PKMYT1: variants seen among roughly 807,000 people sequenced by gnomAD.
The protein encoded by PKMYT1 is membrane-associated tyrosine- and threonine-specific cdc2-inhibitory kinase.
In PKMYT1, 35 loss-of-function variants were observed where a neutral mutation model predicts 49.7. The observed-to-expected ratio is 0.70, with a 90% CI of 0.54 to 0.93. PKMYT1 has a LOEUF of 0.93. Among genes scored for constraint, PKMYT1 ranks in the 40% least tolerant of loss-of-function variants. The pLI is 0.00. For synonymous variants in PKMYT1, 331 were observed against 287.6 expected (o/e 1.15, Z -1.53); for missense variants, 677 against 673.1 (o/e 1.01, Z -0.06).
chr16:2,974,074 G>A lies in PKMYT1; in HGVS notation c.1236C>T (p.Thr412=). The change falls in exon 7 of 9, where the codon ACC becomes ACT. Residue 412 remains threonine (T), a synonymous_variant. Coordinates refer to ENST00000262300, the MANE Select transcript of PKMYT1 (RefSeq NM_004203.5). ...AACTGCAGGGTGGTGAGCCAGGCGGGGTGGCTGGCGGGCCCAGGGGCTGTA... is the reference window on the plus strand; with the variant it reads ...AACTGCAGGGTGGTGAGCCAGGCGGAGTGGCTGGCGGGCCCAGGGGCTGTA... ...SWLQPLGPPA[T]PPGSPPCSLL... 1 of 1,611,078 alleles carries A rather than the reference G, an allele frequency of 6.2e-7. No individual in the cohort carries two copies. Among genetic ancestry groups the A allele is most frequent in the South Asian group, 1.1e-5 (1 of 90,808 alleles).
In PKMYT1 at chr16:2,972,846, C is replaced by A; in HGVS notation, c.*107G>T. 6.5e-7 allele frequency: 1 copy of A among 1,532,322 alleles called. No individual in the cohort carries two copies. The highest frequency in any genetic ancestry group is 8.8e-7 in the Non-Finnish European group (1 of 1,133,958). 94.9% of individuals were successfully genotyped at this position (1,532,322 alleles called of 1,614,324 possible). A position where few individuals can be genotyped will look rare whatever the true frequency, so the allele number is the denominator to read the frequency against. ...AGGTTCAAATACTTTTTATTAGACACGGCCAGGCAGAGAAGACCATGGGAG... is the reference window on the plus strand; with the variant it reads ...AGGTTCAAATACTTTTTATTAGACAAGGCCAGGCAGAGAAGACCATGGGAG... On this transcript the variant is annotated 3_prime_UTR_variant, in exon 9 of 9. Transcript: ENST00000262300.
At position 2,974,599 on chromosome 16, in the gene PKMYT1, C is replaced by G. The variant is rs768797552; in HGVS notation, c.930G>C (p.Glu310Asp). ...AGCCCTGGCGCAGCTGCTGCCAGCC[C>G]TCCCCACCGTGGGGCAGCTCCATGT... ...ACNMELPHGGEGWQQLRQGYL... is the reference protein window; with the variant it reads ...ACNMELPHGGDGWQQLRQGYL... The change falls in exon 5 of 9, where the codon GAG (glutamate) becomes GAC (aspartate). Residue 310 changes from glutamate to aspartate, a missense_variant. Coordinates refer to ENST00000262300, the MANE Select transcript of PKMYT1 (RefSeq NM_004203.5). The G allele has an allele frequency of 6.3e-7, 1 of 1,584,334 alleles. No homozygotes were observed. Among genetic ancestry groups the G allele is most frequent in the South Asian group, 1.2e-5 (1 of 86,858 alleles).
chr16:2,974,518 G>T, intron 5 of PKMYT1, 32 bp downstream of exon 5: 2 of 1,534,698 alleles, frequency 1.3e-6, no homozygotes, highest in Non-Finnish European at 1.8e-6. Flanking sequence ...AGGAGCCCGT[G>T]GCAGCACCCC....
In PKMYT1 at chr16:2,972,863, C is replaced by T. The variant is rs1361644107; in HGVS notation, c.*90G>A. 3 of 1,535,362 alleles carry T rather than the reference C, an allele frequency of 2.0e-6. No individual in the cohort carries two copies. Among genetic ancestry groups the T allele is most frequent in the Non-Finnish European group, 2.6e-6 (3 of 1,134,394 alleles). On this transcript the variant is annotated 3_prime_UTR_variant, in exon 9 of 9. Coordinates refer to ENST00000262300, the MANE Select transcript of PKMYT1 (RefSeq NM_004203.5). ...ATTAGACACGGCCAGGCAGAGAAGA[C>T]CATGGGAGTTCCCGAGGGGCCCCAG... is the stretch of plus-strand genomic sequence containing the variant.
rs781269797 is a variant in PKMYT1 at position 2,979,694 on chromosome 16, G to T, written c.-37C>A. 6.2e-7 allele frequency: 1 copy of T among 1,613,696 alleles called. No individual in the cohort carries two copies. The highest frequency in any genetic ancestry group is 1.3e-5 in the African/African-American group (1 of 75,056). On this transcript the variant is annotated 5_prime_UTR_variant, in exon 2 of 9. Transcript: ENST00000262300. ...CCCAACAGCCTCAGTGGTGGGACGG[G>T]GGAGGCAGGAGCAGGGGCTCCCACG...
At position 2,974,006 on chromosome 16, in the gene PKMYT1, C is replaced by T. The variant is rs1484133714; in HGVS notation, c.1304G>A (p.Ser435Asn). The T allele has an allele frequency of 2.5e-6, 4 of 1,612,648 alleles. No individual in the cohort carries two copies. Among genetic ancestry groups the T allele is most frequent in the African/African-American group, 2.7e-5 (2 of 74,932 alleles). ...SSLSSNWDDD[S>N]LGPSLSPEAV... ...ACCCTGCACTTGAACCCACCCTAGGCTGTCGTCATCCCAGTTGCTGGAGAG... is the reference window on the plus strand; with the variant it reads ...ACCCTGCACTTGAACCCACCCTAGGTTGTCGTCATCCCAGTTGCTGGAGAG... The change falls in exon 7 of 9, where the codon AGC (serine) becomes AAC (asparagine). Residue 435 changes from serine (S) to asparagine (N), a missense_variant. Physicochemically the swap from Ser to Asn is conservative, Grantham distance 46. Transcript: ENST00000262300.
chr16:2,972,836 T>TAGACACGGCCGTGTCA lies in PKMYT1; in HGVS notation c.*116_*117insTGACACGGCCGTGTCT. 6.5e-7 allele frequency: 1 copy of TAGACACGGCCGTGTCA among 1,532,428 alleles called. No homozygotes were observed. The allele number at this position is 1,532,428 out of a possible 1,614,324, so 94.9% of individuals were successfully genotyped here. A position where few individuals can be genotyped will look rare whatever the true frequency, so the allele number is the denominator to read the frequency against. On this transcript the variant is annotated 3_prime_UTR_variant, in exon 9 of 9. Transcript: ENST00000262300. ...GGTGCTCCCAAGGTTCAAATACTTT[T>TAGACACGGCCGTGTCA]TATTAGACACGGCCAGGCAGAGAAG...
Position 2,975,551 on chromosome 16 carries a change from G to C in PKMYT1, c.640C>G (p.Leu214Val). The stretch of plus-strand genomic sequence containing the variant: ...GCCAGGGCAAGCAGCGTGTCCCGCA[G>C]GTAGCCCCAGACCTGGGCCTCAGGC... ...SLPEAQVWGY[L>V]RDTLLALAHL... Residue 214 changes from leucine (L) to valine (V), a missense_variant, in exon 4 of 9, where the codon CTG (leucine) becomes GTG (valine). Transcript: ENST00000262300. 1 of 1,611,998 alleles carries C rather than the reference G, an allele frequency of 6.2e-7. No individual in the cohort carries two copies. The highest frequency in any genetic ancestry group is 8.5e-7 in the Non-Finnish European group (1 of 1,179,862).
intron 2 of PKMYT1, among the ~76,000 whole-genome samples, chr16:2,977,754 G>A (rs960685603): frequency 2.0e-5 from 3 of 152,102 alleles, no homozygotes; most frequent in Non-Finnish European, 4.4e-5. Flanking sequence ...GCCTAGCACT[G>A]GGGGCAGGTG....
chr16:2,978,387 A>G (rs2072255235), intron 2 of PKMYT1, among the ~76,000 whole-genome samples: 1 of 152,198 alleles, frequency 6.6e-6, no homozygotes, highest in Admixed American at 6.5e-5. Context: ...CTAGCTAGGA[A>G]GAGCCTGCCT....
chr16:2,979,196 G>C (rs367697512), intron 2 of PKMYT1, among the ~76,000 whole-genome samples: 100 of 152,104 alleles, frequency 6.6e-4, no homozygotes, highest in African/African-American at 2.4e-3. Flanking sequence ...TTTGCCGGGC[G>C]TGCTGGTGCA....
At position 2,973,204 on chromosome 16, in the gene PKMYT1, G is replaced by C; in HGVS notation, c.1322C>G (p.Ser441Cys). 6.6e-7 allele frequency: 1 copy of C among 1,508,650 alleles called. No individual in the cohort carries two copies. Among genetic ancestry groups the C allele is most frequent in the Non-Finnish European group, 8.9e-7 (1 of 1,125,324 alleles). The allele number at this position is 1,508,650 out of a possible 1,614,324, so 93.5% of individuals were successfully genotyped here. ...WDDDSLGPSLSPEAVLARTVG... is the reference protein window; with the variant it reads ...WDDDSLGPSLCPEAVLARTVG... ...AGTCCGGGCCAGGACAGCCTCAGGG[G>C]AGAGTGAAGGCCTGCAGGAGGGCAG... Residue 441 changes from serine (S) to cysteine (C), a missense_variant, in exon 8 of 9, where the codon TCC becomes TGC. Coordinates refer to ENST00000262300, the MANE Select transcript of PKMYT1 (RefSeq NM_004203.5).
In PKMYT1 at chr16:2,979,648, G is replaced by T; in HGVS notation, c.10C>A (p.Arg4=). MLE[R]PPALAMPMPT... ...CCACCGTCCCTGCCCTACGACTTAC[G>T]TTCTAGCATGACTGGCCTGGCCCAA... The change falls in exon 2 of 9, where the codon CGG becomes AGG. Residue 4 remains arginine, a splice_region_variant and synonymous_variant. Transcript: ENST00000262300. 1 of 1,612,880 alleles carries T rather than the reference G, an allele frequency of 6.2e-7. No individual in the cohort carries two copies. The highest frequency in any genetic ancestry group is 1.1e-5 in the South Asian group (1 of 91,042).
chr16:2,977,406 C>A lies in PKMYT1; in HGVS notation c.11-375G>T, dbSNP rs4149780. The A allele has an allele frequency of 3.1e-3, 3,180 of 1,015,768 alleles. 67 individuals are homozygous for A. The African/African-American group carries it at 0.049, about 16-fold the overall frequency. 62.9% of individuals were successfully genotyped at this position (1,015,768 alleles called of 1,614,324 possible). ...CTACACAACCTCTTCCGAGACTACA[C>A]GGGCCCACGATCCCTTATCTCCAAT... On this transcript the variant is annotated intron_variant, in intron 2 of 8. Transcript: ENST00000262300.
In PKMYT1 at chr16:2,979,701, A is replaced by G; in HGVS notation, c.-44T>C. Reference sequence around the variant, plus strand: ...GCCTCAGTGGTGGGACGGGGGAGGCAGGAGCAGGGGCTCCCACGTGAATCC... The same window carrying G: ...GCCTCAGTGGTGGGACGGGGGAGGCGGGAGCAGGGGCTCCCACGTGAATCC... On this transcript the variant is annotated 5_prime_UTR_variant, in exon 2 of 9. Transcript: ENST00000262300. 6.2e-7 allele frequency: 1 copy of G among 1,613,368 alleles called. No individual in the cohort carries two copies. The highest frequency in any genetic ancestry group is 8.5e-7 in the Non-Finnish European group (1 of 1,179,640).
chr16:2,974,244 C>T lies in PKMYT1; in HGVS notation c.1152+1G>A. The T allele has an allele frequency of 6.4e-7, 1 of 1,563,766 alleles. No individual in the cohort carries two copies. The highest frequency in any genetic ancestry group is 8.7e-7 in the Non-Finnish European group (1 of 1,155,012). ...GGCAGCCGCCACTGTCGGGAGCTTACCTGCCACAGGGCCCACCCTCGGCTC... is the reference window on the plus strand; with the variant it reads ...GGCAGCCGCCACTGTCGGGAGCTTATCTGCCACAGGGCCCACCCTCGGCTC... On this transcript the variant is annotated splice_donor_variant, in intron 6 of 8. Coordinates refer to ENST00000262300, the MANE Select transcript of PKMYT1 (RefSeq NM_004203.5). LOFTEE classifies it high-confidence loss of function.
chr16:2,979,871 G>C lies in PKMYT1; in HGVS notation c.-214C>G, dbSNP rs934284606. On this transcript the variant is annotated 5_prime_UTR_variant, in exon 2 of 9. Transcript: ENST00000262300. Reference sequence around the variant, plus strand: ...CCGGTAGACGGTAAGTTCCTCCCAGGCAGGGCCGCGGCTGACTTCACTCCG... The same window carrying C: ...CCGGTAGACGGTAAGTTCCTCCCAGCCAGGGCCGCGGCTGACTTCACTCCG... The C allele has an allele frequency of 1.7e-6, 1 of 601,736 alleles. No homozygotes were observed. The highest frequency in any genetic ancestry group is 3.0e-6 in the Non-Finnish European group (1 of 334,254). The allele number at this position is 601,736 out of a possible 1,614,324, so 37.3% of individuals were successfully genotyped here.
rs529260292 is a variant in PKMYT1, at chr16:2,972,856, G to A, written c.*97C>T. On this transcript the variant is annotated 3_prime_UTR_variant, in exon 9 of 9. Coordinates refer to ENST00000262300, the MANE Select transcript of PKMYT1 (RefSeq NM_004203.5). Reference sequence around the variant, plus strand: ...ACTTTTTATTAGACACGGCCAGGCAGAGAAGACCATGGGAGTTCCCGAGGG... The same window carrying A: ...ACTTTTTATTAGACACGGCCAGGCAAAGAAGACCATGGGAGTTCCCGAGGG... The A allele has an allele frequency of 2.6e-5, 40 of 1,534,868 alleles. No individual in the cohort carries two copies. In the South Asian group the frequency reaches 4.4e-4, roughly 17 times the overall value.
rs1007866329 is a variant in PKMYT1, at chr16:2,976,058, C to G, written c.379-246G>C. ...CCGACCTGCACTGACCCCAGGGGAC[C>G]TCTTGGATGTGTCACGAGGTGGAAA... On this transcript the variant is annotated intron_variant, in intron 3 of 8. Transcript: ENST00000262300. 9 of 481,614 alleles carry G rather than the reference C, an allele frequency of 1.9e-5. No individual in the cohort carries two copies. In the Admixed American group the frequency reaches 2.2e-4, roughly 12 times the overall value. 29.8% of individuals were successfully genotyped at this position (481,614 alleles called of 1,614,324 possible). A position where few individuals can be genotyped will look rare whatever the true frequency, so the allele number is the denominator to read the frequency against.
Sources: allele counts gnomAD v4.1 joint callset (sites outside exome capture counted in the v4.1 genomes callset), GRCh38; gene constraint gnomAD v4.1.1; transcripts MANE v1.5; gene names NCBI Gene and HGNC (gene_info 2026-07-23, HGNC 2026-07-21).